OPCML: variants seen among roughly 807,000 people sequenced by gnomAD.
The protein encoded by OPCML is opioid binding protein/cell adhesion molecule like.
In OPCML, 13 loss-of-function variants were observed where a neutral mutation model predicts 37.8. That is an observed-to-expected ratio of 0.34 (90% CI 0.22 to 0.55). The LOEUF (loss-of-function observed/expected upper bound fraction) is 0.55. OPCML is among the 20% of genes least tolerant of loss of function. OPCML has a pLI of 0.91. For missense variants in OPCML, 341 were observed against 435.6 expected, an observed-to-expected ratio of 0.78 and a Z score of 1.93; for synonymous variants, 176 against 168.8, an observed-to-expected ratio of 1.04 and a Z score of -0.33.
intron 1 of OPCML, among the ~76,000 whole-genome samples, chr11:133,188,074 CCTCTAAATCTTACTA>C (rs1938163418): frequency 6.6e-6 from 1 of 152,204 alleles, no homozygotes; most frequent in Non-Finnish European, 1.5e-5. Context: ...TAGCTTCGGA[CCTCTAAATCTTACTA>C]TTTTGTTCTC....
intron 3 of OPCML, among the ~76,000 whole-genome samples, chr11:132,651,390 T>G (rs1322003843): frequency 6.6e-6 from 1 of 152,218 alleles, no homozygotes; most frequent in East Asian, 1.9e-4. Context: ...TCAAAAGAGA[T>G]AATGCATATA....
chr11:132,998,366 G>A (rs1946926243), intron 1 of OPCML, among the ~76,000 whole-genome samples: 1 of 152,150 alleles, frequency 6.6e-6, no homozygotes, highest in Non-Finnish European at 1.5e-5. Flanking sequence ...CACTTGGGGG[G>A]AGCCTGTGTT....
intron 2 of OPCML, among the ~76,000 whole-genome samples, chr11:132,827,245 A>G (rs1013034477): frequency 1.3e-5 from 2 of 152,204 alleles, no homozygotes; most frequent in African/African-American, 4.8e-5. Flanking sequence ...ACCCAATTTT[A>G]AAGGGGAGCA....
intron 1 of OPCML, among the ~76,000 whole-genome samples, chr11:133,416,224 T>G (rs945736564): frequency 1.1e-4 from 17 of 152,180 alleles, no homozygotes; most frequent in African/African-American, 3.4e-4. Context: ...TCTAGTCTCT[T>G]TCTATAATTG....
intron 1 of OPCML, among the ~76,000 whole-genome samples, chr11:133,080,863 C>A (rs983590361): frequency 1.3e-5 from 2 of 152,064 alleles, no homozygotes; most frequent in African/African-American, 4.8e-5. Flanking sequence ...CATGCTGAAG[C>A]CTGTTCTGGA....
At chr11:133,004,046 T>G in intron 1 of OPCML, 1 of 985,246 alleles carries the variant, frequency 1.0e-6, no homozygotes, top group Non-Finnish European at 1.2e-6. Flanking sequence ...AAATGCCAGC[T>G]GGGAAGGAGG....
chr11:133,157,181 A>T (rs1022051260), intron 1 of OPCML, among the ~76,000 whole-genome samples: 1 of 152,204 alleles, frequency 6.6e-6, no homozygotes, highest in African/African-American at 2.4e-5. Flanking sequence ...GACAAGAAAA[A>T]GTCGGCGCGC....
At chr11:133,149,829 CATTCACA>C (rs1341918190) in intron 1 of OPCML, among the ~76,000 whole-genome samples, 5 of 152,220 alleles carry the variant, frequency 3.3e-5, no homozygotes, top group Non-Finnish European at 5.9e-5. Context: ...AAAGCCTGAC[CATTCACA>C]GGAGGATCGT....
intron 1 of OPCML, among the ~76,000 whole-genome samples, chr11:132,964,200 T>A (rs1397428052): frequency 2.6e-5 from 4 of 152,206 alleles, no homozygotes; most frequent in Admixed American, 2.6e-4. Context: ...AAGAGAAGAA[T>A]CGTTTCAGTG....
rs1251714772 is a variant in OPCML, at chr11:132,498,776, C to T, written c.505+30285G>A. On this transcript the variant is annotated intron_variant, in intron 4 of 7. Coordinates refer to ENST00000524381, the MANE Select transcript of OPCML (RefSeq NM_001012393.5). ...CTTAGGCATATAGGACCCGAAGAAC[C>T]CAAGTCCTGATGGTTTTAAAATAAT... is the stretch of plus-strand genomic sequence containing the variant. 2.4e-4 allele frequency among the ~76,000 whole-genome samples: 27 copies of T among 112,760 alleles called. No individual in the cohort carries two copies. The Admixed American group carries it at 2.7e-3, about 11-fold the overall frequency. 74.0% of individuals were successfully genotyped at this position (112,760 alleles called of 152,430 possible). A position where few individuals can be genotyped will look rare whatever the true frequency, so the allele number is the denominator to read the frequency against.
chr11:132,488,928 C>T (rs945332242), intron 4 of OPCML, among the ~76,000 whole-genome samples: 4 of 152,120 alleles, frequency 2.6e-5, no homozygotes, highest in African/African-American at 7.2e-5. Context: ...GCGACAAGAA[C>T]GAGAACCCTG....
At chr11:133,130,757 A>G (rs1264919441) in intron 1 of OPCML, among the ~76,000 whole-genome samples, 1 of 152,124 alleles carries the variant, frequency 6.6e-6, no homozygotes, top group Non-Finnish European at 1.5e-5. Flanking sequence ...TCAATGTAAC[A>G]GCACAGGGGG....
intron 1 of OPCML, among the ~76,000 whole-genome samples, chr11:133,388,823 A>G (rs114001483): frequency 1.5e-3 from 226 of 152,318 alleles, no homozygotes; most frequent in African/African-American, 5.3e-3. Flanking sequence ...TGTGTGAATG[A>G]CTTTGGATAC....
chr11:133,187,826 T>G (rs1257168107), intron 1 of OPCML, among the ~76,000 whole-genome samples: 1 of 152,222 alleles, frequency 6.6e-6, no homozygotes, highest in African/African-American at 2.4e-5. Context: ...TGAAGTACAG[T>G]GTACAGATGG....
chr11:133,210,314 G>A (rs1939300036), intron 1 of OPCML, among the ~76,000 whole-genome samples: 2 of 152,064 alleles, frequency 1.3e-5, no homozygotes, highest in Non-Finnish European at 2.9e-5. Flanking sequence ...AAAAATGAAG[G>A]CAAATGGACA....
At chr11:133,332,172 T>G (rs2136650579) in intron 1 of OPCML, among the ~76,000 whole-genome samples, 1 of 152,304 alleles carries the variant, frequency 6.6e-6, no homozygotes, top group South Asian at 2.1e-4. Context: ...TTCTAGTTAT[T>G]TTATTTTATG....
chr11:133,243,000 C>A (rs1038328436), intron 1 of OPCML, among the ~76,000 whole-genome samples: 1 of 152,208 alleles, frequency 6.6e-6, no homozygotes, highest in East Asian at 1.9e-4. Context: ...TCTCTGCTTT[C>A]TGTCTCTGTT....
intron 1 of OPCML, among the ~76,000 whole-genome samples, chr11:133,351,735 C>T (rs1395767816): frequency 2.6e-5 from 4 of 152,074 alleles, no homozygotes; most frequent in East Asian, 3.9e-4. Flanking sequence ...CATTCAAATG[C>T]ACACTTGAAT....
intron 2 of OPCML, among the ~76,000 whole-genome samples, chr11:132,908,826 T>G (rs1449103273): frequency 6.6e-6 from 1 of 152,234 alleles, no homozygotes; most frequent in Non-Finnish European, 1.5e-5. Flanking sequence ...ACTTGGGCTT[T>G]CTAAACATCA....
Sources: gnomAD v4.1 joint callset for allele counts (sites outside exome capture counted in the v4.1 genomes callset) on GRCh38, gnomAD v4.1.1 for gene constraint, MANE v1.5 for transcripts, NCBI Gene and HGNC (gene_info 2026-07-23, HGNC 2026-07-21) for gene names.